RPH3AL: variants seen among roughly 807,000 people sequenced by gnomAD.
RPH3AL encodes the protein rab effector Noc2.
Under a neutral mutation model 43.1 loss-of-function variants are expected in RPH3AL, and 38 were observed. The ratio of observed to expected loss-of-function variants is 0.88; its 90% CI spans 0.68 to 1.15. RPH3AL has a LOEUF of 1.15. Ranked by LOEUF, RPH3AL falls within the 50% of genes most tolerant of loss-of-function variation. The pLI is 0.00. For missense variants in RPH3AL, 462 were observed against 423.2 expected, an observed-to-expected ratio of 1.09 and a Z score of -0.81; for synonymous variants, 189 against 176.3, an observed-to-expected ratio of 1.07 and a Z score of -0.57.
intron 5 of RPH3AL, among the ~76,000 whole-genome samples, chr17:298,889 G>A (rs1356107432): frequency 6.6e-6 from 1 of 152,060 alleles, no homozygotes; most frequent in East Asian, 1.9e-4. Context: ...GGGACGGCAG[G>A]TCGGGGCCGG....
chr17:283,455 A>G lies in RPH3AL; in HGVS notation c.352-1601T>C, dbSNP rs1363527391. ...AGAAATGTCACCTTTTATTTATCCA[A>G]AGAAAATGCAATCTGCTCCAAGCTC... is the stretch of plus-strand genomic sequence containing the variant. On this transcript the variant is annotated intron_variant, in intron 5 of 9. Transcript: ENST00000331302. The surrounding 1 kb of genome is among the most constrained non-coding windows in gnomAD (Gnocchi z 4.2). Among the ~76,000 whole-genome samples, 1 of 152,112 alleles carries G rather than the reference A, an allele frequency of 6.6e-6. No homozygotes were observed. Among genetic ancestry groups the G allele is most frequent in the Non-Finnish European group, 1.5e-5 (1 of 67,998 alleles).
intron 6 of RPH3AL, among the ~76,000 whole-genome samples, chr17:262,295 T>C (rs1389532465): frequency 2.0e-5 from 3 of 152,082 alleles, no homozygotes; most frequent in Non-Finnish European, 4.4e-5. Context: ...CTCGGCTCAC[T>C]GCAACCTCCG....
chr17:311,230 C>T (rs541539534), intron 5 of RPH3AL, among the ~76,000 whole-genome samples: 4 of 152,336 alleles, frequency 2.6e-5, no homozygotes, highest in Admixed American at 6.5e-5. Context: ...GAGCATGCCC[C>T]GTCCCTCCTC....
chr17:315,472 T>A (rs879940573), intron 5 of RPH3AL, among the ~76,000 whole-genome samples: 85 of 115,522 alleles, frequency 7.4e-4, no homozygotes, highest in Middle Eastern at 5.6e-3. Flanking sequence ...GTCCCTGTGC[T>A]CCCACCTCCA....
At chr17:341,486 C>A (rs576513464) in intron 1 of RPH3AL, 3 of 152,162 alleles carry the variant, frequency 2.0e-5, no homozygotes, top group Non-Finnish European at 2.9e-5. Context: ...TGACATCACA[C>A]CATTGCAAAA....
chr17:312,581 G>A (rs956552537), intron 5 of RPH3AL, among the ~76,000 whole-genome samples: 29 of 152,230 alleles, frequency 1.9e-4, no homozygotes, highest in South Asian at 4.1e-4. Flanking sequence ...CTGCTCCATC[G>A]TTGGTAACAC....
chr17:274,351 C>T lies in RPH3AL; in HGVS notation c.438+7417G>A, dbSNP rs2042605241. 6.6e-6 allele frequency among the ~76,000 whole-genome samples: 1 copy of T among 152,206 alleles called. No homozygotes were observed. The highest frequency in any genetic ancestry group is 1.5e-5 in the Non-Finnish European group (1 of 68,026). ...GCCTGCCCACCTGGGCCTCGCCTGC[C>T]TGGCTGGAGTAGGGGCAGCAGCTGA... On this transcript the variant is annotated intron_variant, in intron 6 of 9. Transcript: ENST00000331302. The surrounding 1 kb of genome is among the most constrained non-coding windows in gnomAD (Gnocchi z 4.7).
chr17:271,568 T>A (rs899185502), intron 6 of RPH3AL, among the ~76,000 whole-genome samples: 5 of 152,138 alleles, frequency 3.3e-5, no homozygotes, highest in African/African-American at 1.2e-4. Context: ...CATGATTTGG[T>A]ACTCTGTTAT....
chr17:284,554 G>GGCTGGACAGTCTGGCCCTGCCCTCCAT (rs1471854911), intron 5 of RPH3AL, among the ~76,000 whole-genome samples: 51 of 152,146 alleles, frequency 3.4e-4, no homozygotes, highest in African/African-American at 1.1e-3. Flanking sequence ...CAACGGCCCA[G>GGCTGGACAGTCTGGCCCTGCCCTCCAT]GCTGGACAGT....
intron 7 of RPH3AL, among the ~76,000 whole-genome samples, chr17:239,308 T>G (rs1427444908): frequency 3.3e-5 from 5 of 152,216 alleles, no homozygotes; most frequent in Admixed American, 3.3e-4. Flanking sequence ...TTTTAACATT[T>G]CGATCTTACC....
chr17:219,787 G>T, intron 7 of RPH3AL, 51 bp from the exon 8 acceptor site: 1 of 1,389,052 alleles, frequency 7.2e-7, no homozygotes, highest in Non-Finnish European at 1.0e-6. Context: ...GCCCCTACCT[G>T]CAGGCATGGA....
chr17:339,592 A>G (rs2045058352), intron 1 of RPH3AL: 1 of 152,236 alleles, frequency 6.6e-6, no homozygotes, highest in Non-Finnish European at 1.5e-5. Flanking sequence ...TTCAGAAAAG[A>G]AGAAACCAGC....
intron 1 of RPH3AL, among the ~76,000 whole-genome samples, chr17:348,460 T>A (rs751231994): frequency 6.6e-6 from 1 of 151,774 alleles, no homozygotes; most frequent in Non-Finnish European, 1.5e-5. Context: ...TCATGGGAAA[T>A]TGAAAGAGGT....
Position 232,827 on chromosome 17 carries a change from G to GGTGT in RPH3AL, c.614-13092_614-13091insACAC, listed in dbSNP as rs1296326264. ...TCCTTGTCTCTAAACAGTCCTTTCC[G>GGTGT]GCGTGTGTGTGTGTGTGTGTGTGTG... On this transcript the variant is annotated intron_variant, in intron 7 of 9. Transcript: ENST00000331302. Among the ~76,000 whole-genome samples the GGTGT allele has an allele frequency of 5.4e-5, 7 of 130,300 alleles. No individual in the cohort carries two copies. The East Asian group carries it at 1.3e-3, about 25-fold the overall frequency. 85.5% of individuals were successfully genotyped at this position (130,300 alleles called of 152,430 possible).
intron 5 of RPH3AL, among the ~76,000 whole-genome samples, chr17:312,659 G>A (rs1313632164): frequency 1.3e-5 from 2 of 152,188 alleles, no homozygotes; most frequent in African/African-American, 2.4e-5. Flanking sequence ...TTTACTGCAC[G>A]CTGCCAATGG....
At chr17:336,168 A>C (rs1192557074) in intron 1 of RPH3AL, 2 of 152,166 alleles carry the variant, frequency 1.3e-5, no homozygotes, top group African/African-American at 4.8e-5. Context: ...TTAATATCCG[A>C]GGGGACCCTT....
intron 2 of RPH3AL, chr17:331,391 T>C: frequency 3.7e-6 from 1 of 267,910 alleles, no homozygotes; most frequent in South Asian, 2.8e-5. Flanking sequence ...ATGGCAAGTC[T>C]GTGGCTGACC....
In RPH3AL at chr17:323,084, G is replaced by A. The variant is rs60520819; in HGVS notation, c.78-1669C>T. ...ATAGTGATAACTGTAATTATCATGG[G>A]GAGGGCTGTCAGGCATGGCTTTACC... On this transcript the variant is annotated intron_variant, in intron 3 of 9. Transcript: ENST00000331302. This position sits in a 1 kb window ranked among gnomAD's most constrained non-coding sequence, Gnocchi z 4.4. 0.015 allele frequency among the ~76,000 whole-genome samples: 2,248 copies of A among 152,198 alleles called. 59 individuals carry two copies. Among genetic ancestry groups the A allele is most frequent in the African/African-American group, 0.052 (2,168 of 41,490 alleles).
intron 7 of RPH3AL, among the ~76,000 whole-genome samples, chr17:222,635 C>T (rs576593146): frequency 6.6e-6 from 1 of 152,316 alleles, no homozygotes; most frequent in South Asian, 2.1e-4. Context: ...CAGAAATGTA[C>T]ATCCATTCAC....
Sources: allele counts gnomAD v4.1 joint callset (sites outside exome capture counted in the v4.1 genomes callset), GRCh38; gene constraint gnomAD v4.1.1; non-coding constraint Gnocchi (gnomAD v3.1); transcripts MANE v1.5; gene names NCBI Gene and HGNC (gene_info 2026-07-23, HGNC 2026-07-21).